Variants in UGDH observed in about 807,000 individuals in gnomAD.
UGDH encodes UDP-glucose 6-dehydrogenase.
A neutral mutation model predicts 50.6 loss-of-function variants in UGDH; 38 were observed. That is an observed-to-expected ratio of 0.75 (90% CI 0.58 to 0.98). The LOEUF is 0.98. Among genes scored for constraint, UGDH ranks in the 50% least tolerant of loss-of-function variants. The pLI is 0.00. For synonymous variants in UGDH, 168 were observed against 199.9 expected (o/e 0.84, Z 1.35); for missense variants, 465 against 606.2 (o/e 0.77, Z 2.45).
chr4:39,518,220 C>T (rs1316033514), intron 2 of UGDH, among the ~76,000 whole-genome samples: 1 of 152,152 alleles, frequency 6.6e-6, no homozygotes, highest in Non-Finnish European at 1.5e-5. Flanking sequence ...CGTGAACCAC[C>T]GCACCCAGCC....
chr4:39,504,941 G>A (rs1745970276), intron 9 of UGDH, among the ~76,000 whole-genome samples: 1 of 152,186 alleles, frequency 6.6e-6, no homozygotes, highest in South Asian at 2.1e-4. Flanking sequence ...GGAATAATCT[G>A]ATTGCAGTAT....
At chr4:39,508,519 C>A (rs779559942) in intron 7 of UGDH, 47 bp downstream of exon 7, 1 of 1,571,046 alleles carries the variant, frequency 6.4e-7, no homozygotes, top group Non-Finnish European at 8.7e-7. Flanking sequence ...CAGGTGTGAA[C>A]CACTATGCCT....
chr4:39,525,766 C>G (rs1004418924), intron 1 of UGDH, among the ~76,000 whole-genome samples: 2 of 152,306 alleles, frequency 1.3e-5, no homozygotes, highest in African/African-American at 4.8e-5. Flanking sequence ...GTCTCGGCCT[C>G]CCAAAGTGCT....
chr4:39,503,815 G>A, intron 11 of UGDH, 60 bp downstream of exon 11: 1 of 1,459,902 alleles, frequency 6.8e-7, no homozygotes, highest in Non-Finnish European at 9.5e-7. Context: ...GTCCCCAGTT[G>A]TTGAATCAAA....
chr4:39,509,128 T>A (rs928114477), intron 6 of UGDH, among the ~76,000 whole-genome samples: 1 of 150,928 alleles, frequency 6.6e-6, no homozygotes, highest in East Asian at 2.0e-4. Flanking sequence ...GTGTGCACCA[T>A]CATGCCTGAC....
At chr4:39,521,049 G>A (rs1197908349) in intron 2 of UGDH, among the ~76,000 whole-genome samples, 5 of 137,880 alleles carry the variant, frequency 3.6e-5, no homozygotes, top group South Asian at 2.2e-4. Flanking sequence ...CAGCCTGGGC[G>A]ACAGAGGAAG....
At chr4:39,504,631 G>T in intron 9 of UGDH, 123 bp from the exon 10 acceptor site, 1 of 859,900 alleles carries the variant, frequency 1.2e-6, no homozygotes, top group Non-Finnish European at 1.9e-6. Context: ...AAACTGTGGA[G>T]AGTACTGAAC....
In UGDH at chr4:39,506,232, T is replaced by TAAAAAA. The variant is rs1560687103; in HGVS notation, c.907-485_907-484insTTTTTT. Among the ~76,000 whole-genome samples the TAAAAAA allele has an allele frequency of 4.3e-4, 13 of 30,406 alleles. No individual in the cohort carries two copies. In the East Asian group the frequency reaches 0.022, roughly 52 times the overall value. 19.9% of individuals were successfully genotyped at this position (30,406 alleles called of 152,430 possible). On this transcript the variant is annotated intron_variant, in intron 7 of 11. Transcript: ENST00000316423. ...GACAGAGCCAGACCCTGCCGTAAAT[T>TAAAAAA]TAAAAAAAAAAAAAAAGCCATTCTA...
intron 11 of UGDH, among the ~76,000 whole-genome samples, chr4:39,500,946 G>A (rs1294661441): frequency 6.6e-6 from 1 of 150,620 alleles, no homozygotes; most frequent in African/African-American, 2.4e-5. Context: ...GAGCCACTGT[G>A]CCCGAATGGT....
Position 39,500,102 on chromosome 4 carries a change from C to CAA in UGDH, c.*39_*40dup, listed in dbSNP as rs56814765. On this transcript the variant is annotated 3_prime_UTR_variant, in exon 12 of 12. Transcript: ENST00000316423. ...ATAGATATTTGCTATCCTGAAGTAC[C>CAA]AAAAAAAAAAAAAAAAAATCACAAA... is the stretch of plus-strand genomic sequence containing the variant. 355 of 1,069,640 alleles carry CAA rather than the reference C, an allele frequency of 3.3e-4. No homozygotes were observed. Among genetic ancestry groups the CAA allele is most frequent in the African/African-American group, 1.1e-3 (63 of 57,608 alleles). The allele number at this position is 1,069,640 out of a possible 1,614,324, so 66.3% of individuals were successfully genotyped here.
intron 2 of UGDH, among the ~76,000 whole-genome samples, chr4:39,516,960 A>C (rs975264401): frequency 5.9e-5 from 9 of 152,140 alleles, no homozygotes; most frequent in Non-Finnish European, 8.8e-5. Flanking sequence ...AAAACCTCAA[A>C]ATGAAGACTT....
chr4:39,521,312 A>C (rs1449643468), intron 2 of UGDH, 39 bp downstream of exon 2: 1 of 1,547,364 alleles, frequency 6.5e-7, no homozygotes, highest in Non-Finnish European at 8.7e-7. Context: ...AGACAGTAAG[A>C]AAAAAGCATA....
chr4:39,508,693 T>A, intron 6 of UGDH, 33 bp from the exon 7 acceptor site: 1 of 1,564,990 alleles, frequency 6.4e-7, no homozygotes, highest in South Asian at 1.2e-5. Flanking sequence ...AATATTTTCA[T>A]GTAAGAACGA....
chr4:39,507,640 T>C (rs1746078952), intron 7 of UGDH, among the ~76,000 whole-genome samples: 1 of 152,134 alleles, frequency 6.6e-6, no homozygotes, highest in Non-Finnish European at 1.5e-5. Context: ...ATTTTGATTT[T>C]ATGCCTTTCA....
At chr4:39,501,910 C>T (rs1277364082) in intron 11 of UGDH, among the ~76,000 whole-genome samples, 2 of 152,222 alleles carry the variant, frequency 1.3e-5, no homozygotes, top group East Asian at 1.9e-4. Context: ...AAACATACTA[C>T]TCACTTTTCA....
chr4:39,507,569 A>G (rs6835269), intron 7 of UGDH, among the ~76,000 whole-genome samples: 109,113 of 152,034 alleles, frequency 0.72, 39,334 homozygotes, highest in East Asian at 0.91. Context: ...CTCCCGAAGT[A>G]CAGGGATTAC....
In UGDH at chr4:39,527,432, C is replaced by G; in HGVS notation, c.-157G>C. 8.6e-6 allele frequency: 2 copies of G among 232,310 alleles called. No homozygotes were observed. Among genetic ancestry groups the G allele is most frequent in the South Asian group, 9.5e-5 (2 of 21,140 alleles). The allele number at this position is 232,310 out of a possible 1,614,324, so 14.4% of individuals were successfully genotyped here. ...CACGCCCCTCCCTCAGGCTGCCACG[C>G]GTTACACTCTGAGTCCCGGGCCTGA... On this transcript the variant is annotated 5_prime_UTR_variant, in exon 1 of 12. Coordinates refer to ENST00000316423, the MANE Select transcript of UGDH (RefSeq NM_003359.4).
intron 11 of UGDH, among the ~76,000 whole-genome samples, chr4:39,500,557 A>T (rs777341559): frequency 3.9e-5 from 6 of 151,970 alleles, no homozygotes; most frequent in Non-Finnish European, 7.4e-5. Flanking sequence ...AAATTAACCT[A>T]CCAGTTTCCA....
chr4:39,506,878 G>A (rs71606177), intron 7 of UGDH, among the ~76,000 whole-genome samples: 10 of 152,080 alleles, frequency 6.6e-5, no homozygotes, highest in Non-Finnish European at 1.2e-4. Flanking sequence ...GTGCATTTCC[G>A]GCTAGGCAGG....
Sources: allele counts gnomAD v4.1 joint callset (sites outside exome capture counted in the v4.1 genomes callset), GRCh38; gene constraint gnomAD v4.1.1; transcripts MANE v1.5; gene names NCBI Gene and HGNC (gene_info 2026-07-23, HGNC 2026-07-21).